WDR25: variants seen among roughly 807,000 people sequenced by gnomAD.
WDR25 encodes the protein WD repeat-containing protein 25.
In WDR25, 35 loss-of-function variants were observed where a neutral mutation model predicts 47.7. That is an observed-to-expected ratio of 0.73 (90% CI 0.56 to 0.97). The LOEUF (loss-of-function observed/expected upper bound fraction) is 0.97, where lower values mean the gene tolerates loss of function less well. Among genes scored for constraint, WDR25 ranks in the 50% least tolerant of loss-of-function variants. The pLI is 0.00. For synonymous variants in WDR25, 248 were observed against 278.9 expected (o/e 0.89, Z 1.10); for missense variants, 634 against 704.7 (o/e 0.90, Z 1.14).
intron 4 of WDR25, among the ~76,000 whole-genome samples, chr14:100,521,683 GT>G (rs2140384083): frequency 6.6e-6 from 1 of 152,224 alleles, no homozygotes; most frequent in South Asian, 2.1e-4. Context: ...GTTGTTCCCT[GT>G]TTTTTATTTT....
chr14:100,422,124 T>C (rs1024632144), intron 2 of WDR25, among the ~76,000 whole-genome samples: 2 of 152,226 alleles, frequency 1.3e-5, no homozygotes, highest in African/African-American at 4.8e-5. Flanking sequence ...CAGGGCTTGG[T>C]GTGGGCAGCT....
chr14:100,451,353 C>G, intron 2 of WDR25, among the ~76,000 whole-genome samples: 1 of 151,928 alleles, frequency 6.6e-6, no homozygotes, highest in African/African-American at 2.4e-5. Flanking sequence ...GTGATCCTCC[C>G]ACCTCAGACA....
At chr14:100,465,680 T>C (rs1899606101) in intron 2 of WDR25, among the ~76,000 whole-genome samples, 1 of 152,252 alleles carries the variant, frequency 6.6e-6, no homozygotes, top group Non-Finnish European at 1.5e-5. Flanking sequence ...GGATGTACAG[T>C]ATCTTTTTGA....
intron 4 of WDR25, among the ~76,000 whole-genome samples, chr14:100,484,966 T>C (rs1900333433): frequency 6.6e-6 from 1 of 152,194 alleles, no homozygotes; most frequent in African/African-American, 2.4e-5. Flanking sequence ...TCCTCCAGGC[T>C]CTGATCTTAC....
chr14:100,445,849 C>A (rs953462622), intron 2 of WDR25, among the ~76,000 whole-genome samples: 2 of 152,190 alleles, frequency 1.3e-5, no homozygotes, highest in Non-Finnish European at 2.9e-5. Flanking sequence ...CTTTCAGAGC[C>A]CATTTCCACC....
chr14:100,380,841 T>G, intron 1 of WDR25, 69 bp from the exon 2 acceptor site: 2 of 1,381,278 alleles, frequency 1.4e-6, no homozygotes, highest in Non-Finnish European at 2.0e-6. Context: ...CTAGGTGACA[T>G]GGTTTCTTAT....
At chr14:100,431,882 G>C (rs1898349696) in intron 2 of WDR25, among the ~76,000 whole-genome samples, 1 of 152,044 alleles carries the variant, frequency 6.6e-6, no homozygotes, top group Admixed American at 6.6e-5. Flanking sequence ...GCTAATTTTT[G>C]TATTTTTAGT....
chr14:100,458,914 A>G (rs188947121), intron 2 of WDR25, among the ~76,000 whole-genome samples: 37 of 152,318 alleles, frequency 2.4e-4, no homozygotes, highest in African/African-American at 8.2e-4. Flanking sequence ...ATAGTAATTT[A>G]TAGCACTAAA....
intron 3 of WDR25, among the ~76,000 whole-genome samples, chr14:100,478,132 C>G (rs552099706): frequency 2.7e-5 from 4 of 147,622 alleles, no homozygotes; most frequent in African/African-American, 1.0e-4. Context: ...ACAAAAAAAC[C>G]TGTATCCCTT....
chr14:100,476,793 T>C (rs1900032214), intron 3 of WDR25, among the ~76,000 whole-genome samples: 1 of 152,214 alleles, frequency 6.6e-6, no homozygotes. Context: ...TGATAAATGT[T>C]GTTCCCCTTC....
rs1897613686 is a variant in WDR25 at position 100,408,562 on chromosome 14, G to A, written c.822+26816G>A. ...CCTGCTCCCCCCAGTCTCTATAGCTGAAGGCTAGGACGAACTGTGGGGTTG... is the reference window on the plus strand; with the variant it reads ...CCTGCTCCCCCCAGTCTCTATAGCTAAAGGCTAGGACGAACTGTGGGGTTG... On this transcript the variant is annotated intron_variant, in intron 2 of 6. Transcript: ENST00000402312. Among the ~76,000 whole-genome samples, 4 of 151,916 alleles carry A rather than the reference G, an allele frequency of 2.6e-5. No individual in the cohort carries two copies. The South Asian group carries it at 8.3e-4, about 32-fold the overall frequency.
At chr14:100,411,127 A>C (rs1897695944) in intron 2 of WDR25, among the ~76,000 whole-genome samples, 1 of 152,108 alleles carries the variant, frequency 6.6e-6, no homozygotes, top group African/African-American at 2.4e-5. Flanking sequence ...TTGGTTTCAA[A>C]TATTTACCCA....
At chr14:100,422,145 C>T (rs1898044550) in intron 2 of WDR25, among the ~76,000 whole-genome samples, 1 of 152,186 alleles carries the variant, frequency 6.6e-6, no homozygotes, top group African/African-American at 2.4e-5. Flanking sequence ...CATCTCTGCT[C>T]CACTTGGTAT....
intron 2 of WDR25, among the ~76,000 whole-genome samples, chr14:100,387,957 GATTAC>G (rs1897055907): frequency 6.6e-6 from 1 of 152,308 alleles, no homozygotes; most frequent in Non-Finnish European, 1.5e-5. Flanking sequence ...TAGTGAATCT[GATTAC>G]ATTAAGATAT....
chr14:100,431,798 C>T (rs1327603580), intron 2 of WDR25, among the ~76,000 whole-genome samples: 3 of 152,074 alleles, frequency 2.0e-5, no homozygotes, highest in African/African-American at 7.2e-5. Flanking sequence ...CAACCTCTGC[C>T]TCCCAAGTTC....
intron 2 of WDR25, among the ~76,000 whole-genome samples, chr14:100,439,262 A>G (rs1464386780): frequency 3.3e-5 from 5 of 152,222 alleles, no homozygotes; most frequent in Non-Finnish European, 7.3e-5. Flanking sequence ...GCCCTTTGGC[A>G]TCTGTTGCTT....
chr14:100,517,912 C>A (rs931567425), intron 4 of WDR25, among the ~76,000 whole-genome samples: 2 of 152,250 alleles, frequency 1.3e-5, no homozygotes, highest in South Asian at 4.2e-4. Flanking sequence ...TACCCCCTAC[C>A]CTGTAAGTTA....
At chr14:100,427,972 C>T (rs758208392) in intron 2 of WDR25, among the ~76,000 whole-genome samples, 6 of 152,214 alleles carry the variant, frequency 3.9e-5, no homozygotes, top group East Asian at 1.9e-4. Context: ...GGCCTTGCAG[C>T]GACTGCCGTG....
chr14:100,438,975 G>A (rs1348033447), intron 2 of WDR25, among the ~76,000 whole-genome samples: 1 of 152,154 alleles, frequency 6.6e-6, no homozygotes, highest in Non-Finnish European at 1.5e-5. Context: ...TTAGCACATG[G>A]CCAATTGACC....
Sources: allele counts gnomAD v4.1 joint callset (sites outside exome capture counted in the v4.1 genomes callset), GRCh38; gene constraint gnomAD v4.1.1; transcripts MANE v1.5; gene names NCBI Gene and HGNC (gene_info 2026-07-23, HGNC 2026-07-21).